The following ING5 variants were observed in gnomAD, a reference collection of about 807,000 sequenced individuals.
The protein encoded by ING5 is inhibitor of growth family member 5, also known as inhibitor of growth protein 5.
ING5 carries 17 observed loss-of-function variants against 37.4 expected under a neutral mutation model. The observed-to-expected ratio is 0.45, with a 90% confidence interval of 0.31 to 0.68. The LOEUF (loss-of-function observed/expected upper bound fraction) is 0.68. Ranked by LOEUF, ING5 falls within the 30% of genes least tolerant of loss-of-function variation. ING5 has a pLI of 0.05. For synonymous variants in ING5, 123 were observed against 116.6 expected (o/e 1.06, Z -0.36); for missense variants, 233 against 311.9 (o/e 0.75, Z 1.91).
upstream of ING5, among the ~76,000 whole-genome samples, chr2:241,697,738 A>G (rs2069651565): frequency 6.6e-6 from 1 of 152,186 alleles, no homozygotes; most frequent in Non-Finnish European, 1.5e-5. Flanking sequence ...ACTATGCTGT[A>G]TGACATGTAA....
At chr2:241,702,690 C>A (rs928585508) in intron 1 of ING5, among the ~76,000 whole-genome samples, 4 of 152,198 alleles carry the variant, frequency 2.6e-5, no homozygotes, top group Admixed American at 2.6e-4. Flanking sequence ...CCCTGGTGGG[C>A]GGGCTGTGCT....
chr2:241,717,504 T>G (rs1410490829), intron 5 of ING5, among the ~76,000 whole-genome samples: 1 of 152,190 alleles, frequency 6.6e-6, no homozygotes, highest in Non-Finnish European at 1.5e-5. Context: ...AACTTTAACA[T>G]TTTTTGCAGT....
At chr2:241,720,386 G>A in intron 5 of ING5, 1 of 1,165,852 alleles carries the variant, frequency 8.6e-7, no homozygotes. Flanking sequence ...CCTGTGGACT[G>A]CCCTCTTCAG....
chr2:241,693,059 G>C (rs528834830), intron 2 of ING5, among the ~76,000 whole-genome samples: 7 of 152,124 alleles, frequency 4.6e-5, no homozygotes, highest in African/African-American at 1.7e-4. Flanking sequence ...AGGAGCTCGA[G>C]ACCAGCCTGG....
intron 2 of ING5, among the ~76,000 whole-genome samples, chr2:241,694,660 A>G (rs1012067754): frequency 6.6e-6 from 1 of 151,400 alleles, no homozygotes; most frequent in African/African-American, 2.4e-5. Flanking sequence ...GAAAGCAACC[A>G]GTGGCCATGC....
At chr2:241,715,382 G>A (rs147472598) in intron 5 of ING5, among the ~76,000 whole-genome samples, 5,684 of 151,350 alleles carry the variant, frequency 0.038, 483 homozygotes, top group East Asian at 0.31. Context: ...TTTTGGTAGA[G>A]ATGGAGTTTC....
At chr2:241,699,871 G>A (rs1224448342), upstream of ING5, among the ~76,000 whole-genome samples, 1 of 152,216 alleles carries the variant, frequency 6.6e-6, no homozygotes, top group Non-Finnish European at 1.5e-5. Context: ...GCGTCCAGTG[G>A]TGAAGTGGGA....
upstream of ING5, among the ~76,000 whole-genome samples, chr2:241,701,193 C>G (rs76170482): frequency 0.13 from 19,219 of 150,380 alleles, 1,481 homozygotes; most frequent in East Asian, 0.4. Flanking sequence ...CAAATTCCTG[C>G]CCTCAAGTGA....
At position 241,706,174 on chromosome 2, in the gene ING5, C is replaced by G. The variant is rs148411801; in HGVS notation, c.109+1450C>G. 5.8e-3 allele frequency among the ~76,000 whole-genome samples: 880 copies of G among 152,284 alleles called. 36 individuals carry two copies. Among genetic ancestry groups the G allele is most frequent in the Admixed American group, 0.052 (796 of 15,274 alleles). On this transcript the variant is annotated intron_variant, in intron 2 of 7. Coordinates refer to ENST00000313552, the MANE Select transcript of ING5 (RefSeq NM_032329.6). ...ACAGTCCTGATTGTTTCCATGCCAA[C>G]TGCACACTTGTTGCCCTGAGGTTTT...
At chr2:241,689,399 T>G (rs539043384) in intron 1 of ING5, among the ~76,000 whole-genome samples, 2 of 152,338 alleles carry the variant, frequency 1.3e-5, no homozygotes, top group South Asian at 4.1e-4. Flanking sequence ...CGTGAACCAC[T>G]GCACCTGGCC....
At position 241,725,279 on chromosome 2, in the gene ING5, G is replaced by A; in HGVS notation, c.*248G>A. 1 of 523,954 alleles carries A rather than the reference G, an allele frequency of 1.9e-6. No individual in the cohort carries two copies. Among genetic ancestry groups the A allele is most frequent in the Non-Finnish European group, 3.5e-6 (1 of 289,290 alleles). 32.5% of individuals were successfully genotyped at this position (523,954 alleles called of 1,614,324 possible). A position where few individuals can be genotyped will look rare whatever the true frequency, so the allele number is the denominator to read the frequency against. Reference sequence around the variant, plus strand: ...AGGACTCCCCCCGAGCATCAGCAGGGACCCCGGCGGACGTGGGCGGGCGCG... The same window carrying A: ...AGGACTCCCCCCGAGCATCAGCAGGAACCCCGGCGGACGTGGGCGGGCGCG... On this transcript the variant is annotated 3_prime_UTR_variant, in exon 8 of 8. Transcript: ENST00000313552.
At chr2:241,719,527 C>G (rs907667205) in intron 5 of ING5, 2 of 1,534,976 alleles carry the variant, frequency 1.3e-6, no homozygotes, top group African/African-American at 2.7e-5. Context: ...TGCTCGGAAC[C>G]TGAAGGCCCT....
chr2:241,704,056 G>C (rs7602470), intron 1 of ING5, among the ~76,000 whole-genome samples: 11,565 of 152,226 alleles, frequency 0.076, 1,087 homozygotes, highest in African/African-American at 0.22. Context: ...CTCACTGAGG[G>C]GGGGCAGCCT....
rs1480853450 is a variant in ING5, at chr2:241,719,644, G to A, written c.483-3295G>A. ...TAGGCATAAGGAATGCAGGCACTGG[G>A]GGTCCTCGTGGGGGTGAAGGAGACT... On this transcript the variant is annotated intron_variant, in intron 5 of 7. Transcript: ENST00000313552. 2.0e-6 allele frequency: 3 copies of A among 1,535,528 alleles called. No individual in the cohort carries two copies. In the South Asian group the frequency reaches 3.6e-5, roughly 18 times the overall value.
chr2:241,710,856 A>G (rs1260960486), intron 3 of ING5, among the ~76,000 whole-genome samples: 1 of 151,818 alleles, frequency 6.6e-6, no homozygotes, highest in Non-Finnish European at 1.5e-5. Context: ...CAAATGATCC[A>G]CCTGCCTCGG....
chr2:241,716,892 G>T (rs984037220), intron 5 of ING5, among the ~76,000 whole-genome samples: 3 of 152,116 alleles, frequency 2.0e-5, no homozygotes, highest in African/African-American at 7.2e-5. Context: ...GGTGGTCAGG[G>T]GAGACGTTGG....
At chr2:241,699,038 T>TGGG (rs570586792), upstream of ING5, among the ~76,000 whole-genome samples, 35 of 139,126 alleles carry the variant, frequency 2.5e-4, no homozygotes, top group African/African-American at 1.0e-3. Flanking sequence ...AATTTTTTTT[T>TGGG]GGGGGGGGAG....
chr2:241,688,705 C>T (rs1176044808), intron 1 of ING5, among the ~76,000 whole-genome samples: 48 of 151,330 alleles, frequency 3.2e-4, no homozygotes, highest in Non-Finnish European at 1.2e-4. Flanking sequence ...CTCACTGCAC[C>T]CTCCACCTCC....
rs947733136 is a variant in ING5 at position 241,728,375 on chromosome 2, G to A, written c.*3344G>A. 2 of 152,752 alleles carry A rather than the reference G, an allele frequency of 1.3e-5. No homozygotes were observed. The highest frequency in any genetic ancestry group is 4.8e-5 in the African/African-American group (2 of 41,466). 9.5% of individuals were successfully genotyped at this position (152,752 alleles called of 1,614,324 possible). A position where few individuals can be genotyped will look rare whatever the true frequency, so the allele number is the denominator to read the frequency against. On this transcript the variant is annotated 3_prime_UTR_variant, in exon 8 of 8. Transcript: ENST00000313552. Reference sequence around the variant, plus strand: ...CCCCAGACCCATCTCTTGGATTGAGGGTGTGTGGGCTGGAACCAGTGGGTC... The same window carrying A: ...CCCCAGACCCATCTCTTGGATTGAGAGTGTGTGGGCTGGAACCAGTGGGTC...
Sources: allele counts gnomAD v4.1 joint callset (sites outside exome capture counted in the v4.1 genomes callset), GRCh38; gene constraint gnomAD v4.1.1; transcripts MANE v1.5; gene names NCBI Gene and HGNC (gene_info 2026-07-23, HGNC 2026-07-21).